The following ADGRB3 variants were observed in gnomAD, a reference collection of about 807,000 sequenced individuals.
ADGRB3 encodes the protein adhesion G protein-coupled receptor B3, also known as brain-specific angiogenesis inhibitor 3.
In ADGRB3, 37 loss-of-function variants were observed where a neutral mutation model predicts 193.4. The ratio of observed to expected loss-of-function variants is 0.19; its 90% confidence interval spans 0.15 to 0.25. ADGRB3 has a LOEUF of 0.25. ADGRB3 is among the 10% of genes least tolerant of loss of function. The pLI, the probability that ADGRB3 is intolerant of heterozygous loss-of-function variation, is 1.00. For missense variants in ADGRB3, 1,637 were observed against 1,852.9 expected, an observed-to-expected ratio of 0.88 and a Z score of 2.14; for synonymous variants, 690 against 644.2, an observed-to-expected ratio of 1.07 and a Z score of -1.08.
chr6:69,130,936 A>G (rs1773992430), intron 17 of ADGRB3, among the ~76,000 whole-genome samples: 1 of 152,062 alleles, frequency 6.6e-6, no homozygotes, highest in African/African-American at 2.4e-5. Flanking sequence ...TCGCTATTCA[A>G]ATGATGAAAG....
At chr6:68,884,499 C>T (rs542027541) in intron 3 of ADGRB3, among the ~76,000 whole-genome samples, 1 of 151,964 alleles carries the variant, frequency 6.6e-6, no homozygotes, top group Admixed American at 6.6e-5. Flanking sequence ...AAAAATAAAG[C>T]ATAAGTTAGT....
At chr6:69,055,550 C>T (rs1187887975) in intron 15 of ADGRB3, among the ~76,000 whole-genome samples, 2 of 152,160 alleles carry the variant, frequency 1.3e-5, no homozygotes, top group African/African-American at 4.8e-5. Flanking sequence ...GATGGACAAT[C>T]AGCTTGCTTC....
chr6:69,203,642 G>A (rs973292224), intron 17 of ADGRB3, among the ~76,000 whole-genome samples: 1 of 152,026 alleles, frequency 6.6e-6, no homozygotes, highest in Non-Finnish European at 1.5e-5. Context: ...CTTTTCTGCA[G>A]CCACAATACT....
At chr6:68,796,578 G>C (rs1451199657) in intron 3 of ADGRB3, among the ~76,000 whole-genome samples, 11 of 152,114 alleles carry the variant, frequency 7.2e-5, no homozygotes, top group Non-Finnish European at 1.6e-4. Flanking sequence ...GATCTTCTAG[G>C]AATATGTTTG....
At chr6:68,968,301 G>T (rs1234028931) in intron 8 of ADGRB3, among the ~76,000 whole-genome samples, 1 of 152,108 alleles carries the variant, frequency 6.6e-6, no homozygotes, top group Non-Finnish European at 1.5e-5. Context: ...ATTTGACCGT[G>T]GGGGAGGGGC....
At chr6:68,707,043 G>A (rs578062912) in intron 3 of ADGRB3, among the ~76,000 whole-genome samples, 37 of 150,998 alleles carry the variant, frequency 2.5e-4, no homozygotes, top group African/African-American at 7.8e-4. Flanking sequence ...CCCAGGCGGC[G>A]GAGTTTGCAG....
intron 17 of ADGRB3, among the ~76,000 whole-genome samples, chr6:69,204,233 T>G (rs968723291): frequency 6.6e-6 from 1 of 152,180 alleles, no homozygotes; most frequent in African/African-American, 2.4e-5. Flanking sequence ...GTTTTTCTCT[T>G]TCCATGAAGC....
chr6:68,951,328 T>C lies in ADGRB3; in HGVS notation c.1196-4696T>C, dbSNP rs116089191. Among the ~76,000 whole-genome samples, 361 of 152,206 alleles carry C rather than the reference T, an allele frequency of 2.4e-3. 3 individuals are homozygous for C. The highest frequency in any genetic ancestry group is 8.3e-3 in the African/African-American group (343 of 41,522). On this transcript the variant is annotated intron_variant, in intron 6 of 31. Transcript: ENST00000370598. ...TTAAGAGTTGGCTCTGTCCAGTGAT[T>C]CAGACTCAGCTCTAATATCGTCGTC...
At chr6:69,209,000 G>A (rs1162933813) in intron 17 of ADGRB3, among the ~76,000 whole-genome samples, 1 of 152,300 alleles carries the variant, frequency 6.6e-6, no homozygotes, top group East Asian at 1.9e-4. Flanking sequence ...ATCTGCAGAA[G>A]ATGGCAGGGC....
chr6:68,959,819 T>C (rs898509263), intron 8 of ADGRB3, among the ~76,000 whole-genome samples: 5 of 152,152 alleles, frequency 3.3e-5, no homozygotes, highest in Admixed American at 6.5e-5. Flanking sequence ...ACAGGGAAGA[T>C]AATAAGTGGT....
chr6:69,256,738 A>G (rs1766781266), intron 20 of ADGRB3, among the ~76,000 whole-genome samples: 1 of 152,188 alleles, frequency 6.6e-6, no homozygotes. Flanking sequence ...TTCCAACACT[A>G]TGCTGAATAG....
intron 11 of ADGRB3, among the ~76,000 whole-genome samples, chr6:69,000,823 T>C (rs1769554125): frequency 6.6e-6 from 1 of 152,202 alleles, no homozygotes; most frequent in Admixed American, 6.5e-5. Flanking sequence ...AACACATAGG[T>C]CGATTCAGAA....
chr6:69,089,021 AG>A (rs1460970714), intron 17 of ADGRB3, among the ~76,000 whole-genome samples: 2 of 152,246 alleles, frequency 1.3e-5, no homozygotes, highest in Non-Finnish European at 2.9e-5. Context: ...GGAGGTTTGC[AG>A]TTGTCTTGAA....
chr6:69,254,035 C>T (rs748201433), intron 20 of ADGRB3, among the ~76,000 whole-genome samples: 1 of 152,004 alleles, frequency 6.6e-6, no homozygotes, highest in Non-Finnish European at 1.5e-5. Context: ...TACATGGAAG[C>T]AAAATATTTC....
At position 68,639,358 on chromosome 6, in the gene ADGRB3, G is replaced by A; in HGVS notation, c.683G>A (p.Gly228Asp). 1 of 1,613,990 alleles carries A rather than the reference G, an allele frequency of 6.2e-7. No individual in the cohort carries two copies. Among genetic ancestry groups the A allele is most frequent in the Non-Finnish European group, 8.5e-7 (1 of 1,180,026 alleles). Residue 228 changes from glycine (G) to aspartate (D), a missense_variant, in exon 3 of 32, where the codon GGC becomes GAC. Gly to Asp is a moderately conservative substitution (Grantham distance 94, BLOSUM62 -1). Coordinates refer to ENST00000370598, the MANE Select transcript of ADGRB3 (RefSeq NM_001704.3). ...VVLPLNEQTE[G>D]CLTQELQTTQ... Reference sequence around the variant, plus strand: ...TTACCCCTGAATGAGCAGACAGAGGGCTGCCTGACCCAGGAGCTGCAAACC... The same window carrying A: ...TTACCCCTGAATGAGCAGACAGAGGACTGCCTGACCCAGGAGCTGCAAACC...
chr6:69,042,132 C>T (rs12210747), intron 13 of ADGRB3, among the ~76,000 whole-genome samples: 1,875 of 152,278 alleles, frequency 0.012, 23 homozygotes, highest in Middle Eastern at 0.027. Context: ...TCTGCTGCCA[C>T]GTGAAGAAGG....
intron 17 of ADGRB3, among the ~76,000 whole-genome samples, chr6:69,231,055 T>C (rs1321832682): frequency 6.6e-6 from 1 of 152,100 alleles, no homozygotes; most frequent in South Asian, 2.1e-4. Flanking sequence ...GACTAAAACA[T>C]GAACATCGGC....
chr6:69,049,191 T>C, intron 14 of ADGRB3, 80 bp from the exon 15 acceptor site: 1 of 1,030,838 alleles, frequency 9.7e-7, no homozygotes, highest in Non-Finnish European at 1.4e-6. Flanking sequence ...TGGAATTATC[T>C]TGTAATTAGC....
rs181667979 is a variant in ADGRB3, at chr6:69,378,586, A to G, written c.4276-4245A>G. ...TGGCTCTTATCTGTGTGGCCCAATG[A>G]TAAGTGTTTTATATCCTTTTTTAAA... On this transcript the variant is annotated intron_variant, in intron 30 of 31. Transcript: ENST00000370598. 1.4e-3 allele frequency among the ~76,000 whole-genome samples: 207 copies of G among 152,136 alleles called. 1 individual carries two copies. Among genetic ancestry groups the G allele is most frequent in the Non-Finnish European group, 1.7e-3 (117 of 67,958 alleles).
Sources: gnomAD v4.1 joint callset for allele counts (sites outside exome capture counted in the v4.1 genomes callset) on GRCh38, gnomAD v4.1.1 for gene constraint, MANE v1.5 for transcripts, NCBI Gene and HGNC (gene_info 2026-07-23, HGNC 2026-07-21) for gene names.